RHOG: variants seen among roughly 807,000 people sequenced by gnomAD.
RHOG encodes the protein ras homolog family member G.
RHOG carries 1 observed loss-of-function variant against 12.3 expected under a neutral mutation model. The observed-to-expected ratio is 0.08, with a 90% confidence interval of 0.03 to 0.39. The LOEUF is 0.39. Among genes scored for constraint, RHOG ranks in the 10% least tolerant of loss-of-function variants. The pLI is 0.99. For missense variants in RHOG, 114 were observed against 266.2 expected (o/e 0.43, Z 3.98); for synonymous variants, 129 against 116.0 (o/e 1.11, Z -0.72).
chr11:3,830,857 A>C (rs1468219384), intron 1 of RHOG, among the ~76,000 whole-genome samples: 3 of 151,754 alleles, frequency 2.0e-5, no homozygotes, highest in African/African-American at 7.3e-5. Flanking sequence ...TGAGTTCTGG[A>C]ACACAGCTTC....
intron 1 of RHOG, among the ~76,000 whole-genome samples, chr11:3,839,498 A>G (rs1187102045): frequency 4.4e-5 from 6 of 137,600 alleles, no homozygotes; most frequent in African/African-American, 2.0e-4. Context: ...ACACACACAC[A>G]CACACACACA....
At chr11:3,829,305 T>C (rs1015752661) in intron 1 of RHOG, among the ~76,000 whole-genome samples, 3 of 145,850 alleles carry the variant, frequency 2.1e-5, no homozygotes, top group African/African-American at 5.2e-5. Flanking sequence ...CAGGCTGGAG[T>C]GCAGTGGCGT....
intron 1 of RHOG, among the ~76,000 whole-genome samples, chr11:3,836,212 G>T (rs979267907): frequency 6.6e-6 from 1 of 151,548 alleles, no homozygotes; most frequent in African/African-American, 2.4e-5. Context: ...AATTAGCTGG[G>T]CGTAGTGGTG....
intron 1 of RHOG, among the ~76,000 whole-genome samples, chr11:3,831,041 A>C (rs1259986901): frequency 2.0e-5 from 3 of 151,514 alleles, no homozygotes; most frequent in Non-Finnish European, 4.4e-5. Context: ...AACACAACCA[A>C]ATCCCTGAGT....
intron 1 of RHOG, among the ~76,000 whole-genome samples, chr11:3,837,282 T>C (rs1026505622): frequency 1.3e-5 from 2 of 152,146 alleles, no homozygotes; most frequent in African/African-American, 4.8e-5. Flanking sequence ...TTTTCCACTG[T>C]CAGTGAGGCA....
chr11:3,830,854 T>C (rs1428074444), intron 1 of RHOG, among the ~76,000 whole-genome samples: 1 of 151,936 alleles, frequency 6.6e-6, no homozygotes, highest in African/African-American at 2.4e-5. Flanking sequence ...TTCTGAGTTC[T>C]GGAACACAGC....
intron 1 of RHOG, among the ~76,000 whole-genome samples, chr11:3,839,197 A>G (rs1011300494): frequency 1.3e-5 from 2 of 152,068 alleles, no homozygotes; most frequent in Non-Finnish European, 2.9e-5. Context: ...CTAGTAGGTA[A>G]TGGAGTCAGG....
At position 3,827,495 on chromosome 11, in the gene RHOG, G is replaced by A; in HGVS notation, c.*68C>T. The stretch of plus-strand genomic sequence containing the variant: ...AATTAGTCCTTAAGGCACAGCTGAG[G>A]CGGACAAGGCACCAAGGCACAACTG... On this transcript the variant is annotated 3_prime_UTR_variant, in exon 2 of 2. Transcript: ENST00000351018. The surrounding 1 kb of genome is among the most constrained non-coding windows in gnomAD (Gnocchi z 7.3). 7.5e-7 allele frequency: 1 copy of A among 1,325,278 alleles called. No homozygotes were observed. The highest frequency in any genetic ancestry group is 1.1e-6 in the Non-Finnish European group (1 of 948,786). The allele number at this position is 1,325,278 out of a possible 1,614,324, so 82.1% of individuals were successfully genotyped here. A position where few individuals can be genotyped will look rare whatever the true frequency, so the allele number is the denominator to read the frequency against.
intron 1 of RHOG, among the ~76,000 whole-genome samples, chr11:3,829,617 G>A (rs1484940102): frequency 1.3e-5 from 2 of 152,080 alleles, no homozygotes; most frequent in East Asian, 3.9e-4. Flanking sequence ...CCAATTCAAT[G>A]CAGGGGAATA....
chr11:3,838,589 C>T (rs2090169899), intron 1 of RHOG, among the ~76,000 whole-genome samples: 1 of 152,024 alleles, frequency 6.6e-6, no homozygotes, highest in Admixed American at 6.5e-5. Flanking sequence ...GGAAGAGAGA[C>T]AAGTGGTTGG....
chr11:3,832,914 CAGT>C (rs2090138590), intron 1 of RHOG, among the ~76,000 whole-genome samples: 1 of 152,120 alleles, frequency 6.6e-6, no homozygotes, highest in South Asian at 2.1e-4. Context: ...AAGCCCAGCT[CAGT>C]GGTGCACCTG....
chr11:3,837,480 G>A (rs2135141541), intron 1 of RHOG, among the ~76,000 whole-genome samples: 1 of 152,304 alleles, frequency 6.6e-6, no homozygotes, highest in Middle Eastern at 3.4e-3. Context: ...TAAGACACAA[G>A]GGCCCAGAGT....
At chr11:3,837,035 G>C (rs1187661770) in intron 1 of RHOG, among the ~76,000 whole-genome samples, 4 of 145,604 alleles carry the variant, frequency 2.7e-5, no homozygotes, top group Admixed American at 2.1e-4. Context: ...CCTCCTCCCC[G>C]CCTAGCAGCA....
intron 1 of RHOG, among the ~76,000 whole-genome samples, chr11:3,836,095 G>A (rs147415635): frequency 0.013 from 2,032 of 151,228 alleles, 66 homozygotes; most frequent in African/African-American, 0.047. Context: ...GCTCACGTCT[G>A]TAATCCCAGC....
intron 1 of RHOG, among the ~76,000 whole-genome samples, chr11:3,830,210 A>T (rs7948532): frequency 0.14 from 21,263 of 152,182 alleles, 1,594 homozygotes; most frequent in Middle Eastern, 0.17. Context: ...ATCATTAAGA[A>T]CATAGATGCT....
intron 1 of RHOG, chr11:3,840,666 A>G (rs999568181): frequency 2.0e-5 from 3 of 152,140 alleles, no homozygotes; most frequent in African/African-American, 7.2e-5. Context: ...GGCTCCCTAG[A>G]GGCGGTACAG....
intron 1 of RHOG, among the ~76,000 whole-genome samples, chr11:3,828,684 C>T (rs910491167): frequency 3.6e-5 from 5 of 140,440 alleles, no homozygotes; most frequent in African/African-American, 5.5e-5. Context: ...AGTGCAGTGG[C>T]GTCATCTCGG....
At chr11:3,832,588 C>T (rs935454746) in intron 1 of RHOG, among the ~76,000 whole-genome samples, 1 of 152,180 alleles carries the variant, frequency 6.6e-6, no homozygotes, top group African/African-American at 2.4e-5. Flanking sequence ...AGGAGCAAAG[C>T]CTTTCATCCC....
intron 1 of RHOG, among the ~76,000 whole-genome samples, chr11:3,833,792 A>C (rs1360314924): frequency 6.6e-6 from 1 of 152,208 alleles, no homozygotes; most frequent in East Asian, 1.9e-4. Flanking sequence ...GTCCTCTGCA[A>C]ACAAGCCAGG....
Sources: gnomAD v4.1 joint callset for allele counts (sites outside exome capture counted in the v4.1 genomes callset) on GRCh38, gnomAD v4.1.1 for gene constraint, Gnocchi (gnomAD v3.1) non-coding constraint, MANE v1.5 for transcripts, NCBI Gene and HGNC (gene_info 2026-07-23, HGNC 2026-07-21) for gene names.